Variants in MID1 observed in about 807,000 individuals in gnomAD.
MID1 encodes the protein E3 ubiquitin-protein ligase Midline-1.
MID1 carries 7 observed loss-of-function variants against 40.4 expected under a neutral mutation model. The observed-to-expected ratio is 0.17, with a 90% CI of 0.10 to 0.33. The LOEUF is 0.33. Among genes scored for constraint, MID1 ranks in the 10% least tolerant of loss-of-function variants. The pLI is 1.00. For missense variants in MID1, 367 were observed against 558.5 expected (o/e 0.66, Z 3.46); for synonymous variants, 229 against 221.2 (o/e 1.04, Z -0.31).
At chrX:10,742,127 G>T (rs947606451) in intron 1 of MID1, among the ~76,000 whole-genome samples, 5 of 110,837 alleles carry the variant, frequency 4.5e-5, no homozygotes, top group African/African-American at 1.3e-4. Context: ...TATGCCTTCT[G>T]TATTCATTAA....
chrX:10,474,276 A>G (rs1417855706), intron 6 of MID1, among the ~76,000 whole-genome samples: 4 of 112,094 alleles, frequency 3.6e-5, no homozygotes, highest in African/African-American at 1.3e-4. Context: ...GTTAGCTGCC[A>G]ATTTTTTCTC....
intron 2 of MID1, among the ~76,000 whole-genome samples, chrX:10,546,569 TC>T (rs772040472): frequency 7.2e-5 from 8 of 111,869 alleles, no homozygotes; most frequent in Non-Finnish European, 1.3e-4. Context: ...GTGCAGAACT[TC>T]CCTGGATAAA....
At chrX:10,749,545 T>C (rs2043584251) in intron 1 of MID1, among the ~76,000 whole-genome samples, 1 of 112,144 alleles carries the variant, frequency 8.9e-6, no homozygotes, top group African/African-American at 3.2e-5. Context: ...TGCATTGCTA[T>C]AAAGAAATAC....
chrX:10,771,636 C>A (rs1399350178), intron 1 of MID1, among the ~76,000 whole-genome samples: 1 of 104,581 alleles, frequency 9.6e-6, no homozygotes, highest in African/African-American at 3.5e-5. Context: ...AGATTACAGG[C>A]GCCTGACACC....
intron 1 of MID1, among the ~76,000 whole-genome samples, chrX:10,619,639 C>T (rs1488606826): frequency 8.9e-6 from 1 of 112,612 alleles, no homozygotes; most frequent in Admixed American, 9.3e-5. Context: ...ACAGAAGAAG[C>T]TGTTGGTTTA....
At position 10,523,132 on chromosome X, in the gene MID1, G is replaced by A; in HGVS notation, c.716C>T (p.Thr239Ile). 9 of 1,203,276 alleles carry A rather than the reference G, an allele frequency of 7.5e-6. No individual in the cohort carries two copies. Among genetic ancestry groups the A allele is most frequent in the Non-Finnish European group, 1.0e-5 (9 of 891,593 alleles). The part of the protein sequence containing the change: ...NLIKRNTELE[T>I]LLAKLIQTCQ... ...GGTTTGGATGAGTTTAGCCAAAAGG[G>A]TCTCCAGTTCTGTGTTCCTCTTAAT... The change falls in exon 3 of 10, where the codon ACC becomes ATC. Residue 239 changes from threonine (T) to isoleucine (I), a missense_variant. Physicochemically the swap from Thr to Ile is moderately conservative, Grantham distance 89. Around this residue, in one of 3 missense-constraint regions of MID1, gnomAD observed 275 missense variants for 383.1 expected, o/e 0.72. Coordinates refer to ENST00000317552, the MANE Select transcript of MID1 (RefSeq NM_000381.4).
intron 7 of MID1, among the ~76,000 whole-genome samples, chrX:10,463,109 T>C (rs184086089): frequency 1.0e-3 from 116 of 112,360 alleles, no homozygotes; most frequent in African/African-American, 3.7e-3. Context: ...GTGGCAAACG[T>C]TGTAAAATTA....
intron 1 of MID1, among the ~76,000 whole-genome samples, chrX:10,600,523 T>C (rs1241520787): frequency 8.9e-6 from 1 of 111,806 alleles, no homozygotes; most frequent in Non-Finnish European, 1.9e-5. Context: ...CTTCAGCTTC[T>C]GACTTGTGCT....
At chrX:10,786,252 T>A in intron 1 of MID1, among the ~76,000 whole-genome samples, 1 of 110,802 alleles carries the variant, frequency 9.0e-6, no homozygotes, top group Non-Finnish European at 1.9e-5. Flanking sequence ...GAAATGCAAA[T>A]CAAAACCACA....
At chrX:10,796,814 C>T (rs1189409529) in intron 1 of MID1, among the ~76,000 whole-genome samples, 1 of 111,003 alleles carries the variant, frequency 9.0e-6, no homozygotes, top group Non-Finnish European at 1.9e-5. Flanking sequence ...ACAATTTGAA[C>T]ACACTTCTTT....
intron 1 of MID1, among the ~76,000 whole-genome samples, chrX:10,656,760 T>A (rs924478195): frequency 1.8e-5 from 2 of 110,061 alleles, no homozygotes; most frequent in African/African-American, 6.7e-5. Flanking sequence ...GATGGTGATT[T>A]TTTTTAAAAA....
At chrX:10,516,008 A>G (rs1932379095) in intron 3 of MID1, among the ~76,000 whole-genome samples, 1 of 111,250 alleles carries the variant, frequency 9.0e-6, no homozygotes, top group African/African-American at 3.3e-5. Flanking sequence ...AATTTTGATC[A>G]TTTCTCATAA....
chrX:10,614,157 C>T (rs779658666), intron 1 of MID1, among the ~76,000 whole-genome samples: 7 of 111,129 alleles, frequency 6.3e-5, no homozygotes, highest in Admixed American at 1.9e-4. Flanking sequence ...AACTCAAATA[C>T]TCGTGTGGAT....
At position 10,647,076 on chromosome X, in the gene MID1, T is replaced by G. The variant is rs6640673; in HGVS notation, c.-186-26657A>C. On this transcript the variant is annotated intron_variant, in intron 1 of 10. Transcript: ENST00000380785. The stretch of plus-strand genomic sequence containing the variant: ...AAGATATACAAATGACCAAATCTTT[T>G]TATGGTGAATTAGGGTATATATGGC... 8.9e-5 allele frequency among the ~76,000 whole-genome samples: 10 copies of G among 111,755 alleles called. No homozygotes were observed. The East Asian group carries it at 2.8e-3, about 31-fold the overall frequency.
chrX:10,720,220 C>A lies in MID1; in HGVS notation c.-186-99801G>T, dbSNP rs190528528. ...AATGGGATCCAATTAAACTAAAGAG[C>A]TTCTGCACAGCAAAAGAAATTACCA... On this transcript the variant is annotated intron_variant, in intron 1 of 10. Coordinates refer to the MID1 transcript ENST00000380785. Among the ~76,000 whole-genome samples, 25 of 111,704 alleles carry A rather than the reference C, an allele frequency of 2.2e-4. No individual in the cohort carries two copies. The East Asian group carries it at 6.2e-3, about 28-fold the overall frequency.
chrX:10,507,581 T>A (rs1483045477), intron 3 of MID1, among the ~76,000 whole-genome samples: 1 of 112,656 alleles, frequency 8.9e-6, no homozygotes, highest in Non-Finnish European at 1.9e-5. Flanking sequence ...TCTGTATGTG[T>A]CCTCTCTACA....
chrX:10,450,216 C>G (rs1054376682), intron 9 of MID1, among the ~76,000 whole-genome samples: 1 of 112,382 alleles, frequency 8.9e-6, no homozygotes, highest in Non-Finnish European at 1.9e-5. Flanking sequence ...ATTTAAATAG[C>G]TGCCTGTGGC....
chrX:10,684,443 A>C (rs2043080404), intron 1 of MID1, among the ~76,000 whole-genome samples: 1 of 93,224 alleles, frequency 1.1e-5, no homozygotes, highest in African/African-American at 4.2e-5. Context: ...TCTCTCTGTC[A>C]CCCAGGCTGG....
At chrX:10,631,455 T>C (rs1412142566) in intron 1 of MID1, among the ~76,000 whole-genome samples, 1 of 111,654 alleles carries the variant, frequency 9.0e-6, no homozygotes, top group Non-Finnish European at 1.9e-5. Flanking sequence ...TAGGAGGCCA[T>C]AGATACTAGT....
Sources: gnomAD v4.1 joint callset for allele counts (sites outside exome capture counted in the v4.1 genomes callset) on GRCh38, gnomAD v4.1.1 for gene constraint, gnomAD v4.1.1 regional missense constraint, MANE v1.5 for transcripts, NCBI Gene and HGNC (gene_info 2026-07-23, HGNC 2026-07-21) for gene names.